The following ZNF724 variants were observed in gnomAD, a reference collection of about 807,000 sequenced individuals.
ZNF724 encodes the protein zinc finger protein 724 pseudogene.
Under a neutral mutation model 29.3 loss-of-function variants are expected in ZNF724, and 14 were observed. The observed-to-expected ratio is 0.48, with a 90% CI of 0.32 to 0.75. The LOEUF (loss-of-function observed/expected upper bound fraction) is 0.75, where lower values mean the gene tolerates loss of function less well. Ranked by LOEUF, ZNF724 falls within the 30% of genes least tolerant of loss-of-function variation. The probability of loss-of-function intolerance (pLI) is 0.04; values close to 1 mark genes in which losing one functional copy is unlikely to be tolerated. For missense variants in ZNF724, 557 were observed against 571.2 expected (o/e 0.98, Z 0.25); for synonymous variants, 180 against 193.6 (o/e 0.93, Z 0.58).
chr19:23,239,243 T>C (rs1164532351), intron 1 of ZNF724, among the ~76,000 whole-genome samples: 5 of 152,200 alleles, frequency 3.3e-5, no homozygotes, highest in African/African-American at 1.2e-4. Context: ...TCTATAGAAC[T>C]GTCCAACTGA....
At chr19:23,243,518 AAG>A (rs1179115383) in intron 1 of ZNF724, among the ~76,000 whole-genome samples, 1 of 150,302 alleles carries the variant, frequency 6.7e-6, no homozygotes, top group East Asian at 1.9e-4. Flanking sequence ...CTGATGCAGA[AAG>A]AGAAAAACAA....
chr19:23,235,608 G>C (rs1160086133), intron 1 of ZNF724, among the ~76,000 whole-genome samples: 1 of 152,050 alleles, frequency 6.6e-6, no homozygotes, highest in Non-Finnish European at 1.5e-5. Flanking sequence ...CTTCCAATCA[G>C]TTCTGTGAGG....
chr19:23,235,195 A>G (rs1460627344), intron 1 of ZNF724, among the ~76,000 whole-genome samples: 1 of 152,194 alleles, frequency 6.6e-6, no homozygotes, highest in Non-Finnish European at 1.5e-5. Flanking sequence ...TTTAATTCTC[A>G]TAACAAACTG....
chr19:23,222,499 T>G lies in ZNF724; in HGVS notation c.1746A>C (p.Val582=), dbSNP rs1206598120. 7.6e-7 allele frequency: 1 copy of G among 1,312,378 alleles called. No homozygotes were observed. The highest frequency in any genetic ancestry group is 1.4e-5 in the African/African-American group (1 of 69,120). The allele number at this position is 1,312,378 out of a possible 1,614,324, so 81.3% of individuals were successfully genotyped here. A position where few individuals can be genotyped will look rare whatever the true frequency, so the allele number is the denominator to read the frequency against. The change falls in exon 4 of 4, where the codon GTA becomes GTC. Residue 582 remains valine (V), a synonymous_variant. Transcript: ENST00000418100. ...NWSSTLTKHK[V]IHTGEKPYKC... ...TGTAGGGTTTCTCTCCAGTATGAAT[T>G]ACCTTATGTTTAGTCAGAGTTGAGG...
At chr19:23,243,854 C>A (rs989014955) in intron 1 of ZNF724, among the ~76,000 whole-genome samples, 1 of 149,114 alleles carries the variant, frequency 6.7e-6, no homozygotes, top group Non-Finnish European at 1.5e-5. Context: ...ACCCAGGAAG[C>A]GGAGGCTGCA....
At chr19:23,242,924 A>T (rs1972156368) in intron 1 of ZNF724, among the ~76,000 whole-genome samples, 2 of 150,310 alleles carry the variant, frequency 1.3e-5, no homozygotes, top group African/African-American at 4.9e-5. Flanking sequence ...CTGTAATCTC[A>T]GCTACTAGGG....
chr19:23,248,149 CAG>C (rs1246462150), intron 1 of ZNF724, among the ~76,000 whole-genome samples: 7 of 152,102 alleles, frequency 4.6e-5, no homozygotes, highest in African/African-American at 1.4e-4. Flanking sequence ...AATACAGTGT[CAG>C]GGGATTACTC....
At chr19:23,237,120 T>C (rs1972034781) in intron 1 of ZNF724, among the ~76,000 whole-genome samples, 1 of 152,194 alleles carries the variant, frequency 6.6e-6, no homozygotes, top group Non-Finnish European at 1.5e-5. Flanking sequence ...CCCAAAGTGC[T>C]GGGATTACAG....
At chr19:23,235,950 C>A (rs1972015872) in intron 1 of ZNF724, among the ~76,000 whole-genome samples, 1 of 152,122 alleles carries the variant, frequency 6.6e-6, no homozygotes, top group Non-Finnish European at 1.5e-5. Flanking sequence ...AAGACACTCC[C>A]ATAATTAGTC....
chr19:23,250,096 G>A (rs556524925), intron 1 of ZNF724, 144 bp downstream of exon 1: 7 of 511,446 alleles, frequency 1.4e-5, no homozygotes, highest in South Asian at 1.0e-4. Flanking sequence ...GGCTGAAGGG[G>A]ACTGAGGCCC....
intron 1 of ZNF724, among the ~76,000 whole-genome samples, chr19:23,238,028 T>C (rs903342107): frequency 6.6e-6 from 1 of 152,200 alleles, no homozygotes; most frequent in African/African-American, 2.4e-5. Context: ...TTGTGTGCTC[T>C]TAAAATGAGC....
Position 23,222,115 on chromosome 19 carries a change from T to C in ZNF724, c.*270A>G. The C allele has an allele frequency of 2.6e-6, 1 of 379,978 alleles. No homozygotes were observed. Among genetic ancestry groups the C allele is most frequent in the Non-Finnish European group, 4.7e-6 (1 of 213,192 alleles). The allele number at this position is 379,978 out of a possible 1,614,324, so 23.5% of individuals were successfully genotyped here. A position where few individuals can be genotyped will look rare whatever the true frequency, so the allele number is the denominator to read the frequency against. On this transcript the variant is annotated 3_prime_UTR_variant, in exon 4 of 4. Coordinates refer to ENST00000418100, the MANE Select transcript of ZNF724 (RefSeq NM_001355404.2). ...CTGTCCAATAAAGTGTCAGCATTGG[T>C]TAAAAGTTTTGCCACATTCTTCACA...
chr19:23,228,171 C>A (rs749149683), intron 3 of ZNF724, among the ~76,000 whole-genome samples: 10 of 152,114 alleles, frequency 6.6e-5, no homozygotes, highest in Admixed American at 2.0e-4. Context: ...CTTTAAAGGC[C>A]GAGTGTGGTG....
rs758299288 is a variant in ZNF724, at chr19:23,223,214, CCA to C, written c.1029_1030del (p.Cys343TrpfsTer5). On this transcript the variant is annotated frameshift_variant, in exon 4 of 4. Transcript: ENST00000418100. LOFTEE classifies it high-confidence loss of function. Reference sequence around the variant, plus strand: ...GGTTGAGGACACATTAAAGGCTTTGCCACATTCTTCACATTTATAAGGTTTAT... The same window carrying C: ...GGTTGAGGACACATTAAAGGCTTTGCCATTCTTCACATTTATAAGGTTTAT... 2 of 1,022,094 alleles carry C rather than the reference CCA, an allele frequency of 2.0e-6. No homozygotes were observed. Among genetic ancestry groups the C allele is most frequent in the Non-Finnish European group, 1.6e-6 (1 of 642,252 alleles). 63.3% of individuals were successfully genotyped at this position (1,022,094 alleles called of 1,614,324 possible).
At chr19:23,249,123 C>T (rs1271918207) in intron 1 of ZNF724, among the ~76,000 whole-genome samples, 1 of 152,126 alleles carries the variant, frequency 6.6e-6, no homozygotes, top group Non-Finnish European at 1.5e-5. Flanking sequence ...TTGCATCATG[C>T]ACCTTATCAA....
intron 1 of ZNF724, among the ~76,000 whole-genome samples, chr19:23,244,372 A>C (rs764894335): frequency 1.3e-5 from 2 of 152,098 alleles, no homozygotes; most frequent in African/African-American, 2.4e-5. Context: ...AGGGGTGTGG[A>C]TGCATCAGTG....
intron 1 of ZNF724, among the ~76,000 whole-genome samples, chr19:23,234,196 C>T (rs1971985893): frequency 6.6e-6 from 1 of 152,120 alleles, no homozygotes; most frequent in Admixed American, 6.6e-5. Flanking sequence ...GTATCTTGAA[C>T]CCCTCATAGT....
At chr19:23,232,144 T>C (rs548562639) in intron 2 of ZNF724, 23 bp downstream of exon 2, 2 of 1,281,578 alleles carry the variant, frequency 1.6e-6, no homozygotes, top group South Asian at 2.4e-5. Context: ...AGATTAGGAA[T>C]TGTGTATTGA....
chr19:23,246,441 G>C (rs1264566772), intron 1 of ZNF724, among the ~76,000 whole-genome samples: 3 of 152,028 alleles, frequency 2.0e-5, no homozygotes, highest in Non-Finnish European at 2.9e-5. Flanking sequence ...CAGATCACGA[G>C]GTCAGGAGTT....
Sources: allele counts gnomAD v4.1 joint callset (sites outside exome capture counted in the v4.1 genomes callset), GRCh38; gene constraint gnomAD v4.1.1; transcripts MANE v1.5; gene names NCBI Gene and HGNC (gene_info 2026-07-23, HGNC 2026-07-21).